Variants in FKBP1A observed in about 807,000 individuals in gnomAD.
The protein encoded by FKBP1A is peptidyl-prolyl cis-trans isomerase FKBP1A.
Under a neutral mutation model 14.2 loss-of-function variants are expected in FKBP1A, and 5 were observed. The ratio of observed to expected loss-of-function variants is 0.35; its 90% CI spans 0.18 to 0.74. The LOEUF is 0.74. FKBP1A is among the 30% of genes least tolerant of loss of function. FKBP1A has a pLI of 0.56. For synonymous variants in FKBP1A, 42 were observed against 49.1 expected (o/e 0.86, Z 0.60); for missense variants, 53 against 138.8 (o/e 0.38, Z 3.10).
intron 2 of FKBP1A, among the ~76,000 whole-genome samples, chr20:1,384,485 T>G (rs1229157085): frequency 6.6e-6 from 1 of 152,226 alleles, no homozygotes; most frequent in African/African-American, 2.4e-5. Context: ...GAAACTCCAC[T>G]AGCAGAGCCA....
In FKBP1A at chr20:1,369,722, A is replaced by ACC. The variant is rs34401063; in HGVS notation, c.*385_*386dup. The ACC allele has an allele frequency of 1.1e-4, 21 of 183,148 alleles. No individual in the cohort carries two copies. The highest frequency in any genetic ancestry group is 1.9e-4 in the Admixed American group (3 of 15,574). The allele number at this position is 183,148 out of a possible 1,614,324, so 11.3% of individuals were successfully genotyped here. A position where few individuals can be genotyped will look rare whatever the true frequency, so the allele number is the denominator to read the frequency against. ...AAATTAAAATAAAATATTCTTGCAA[A>ACC]CCCCCCCCCCAACACCAATTCCTAT... On this transcript the variant is annotated 3_prime_UTR_variant, in exon 5 of 5. Coordinates refer to ENST00000400137, the MANE Select transcript of FKBP1A (RefSeq NM_000801.5).
chr20:1,378,561 T>C (rs1229847969), intron 2 of FKBP1A: 1 of 152,074 alleles, frequency 6.6e-6, no homozygotes, highest in East Asian at 1.9e-4. Context: ...CAATGCAGGT[T>C]CGTCAATTGC....
At chr20:1,381,067 A>C (rs1419910531) in intron 2 of FKBP1A, among the ~76,000 whole-genome samples, 5 of 152,252 alleles carry the variant, frequency 3.3e-5, no homozygotes, top group African/African-American at 1.2e-4. Flanking sequence ...AAGATTTCTT[A>C]GTATGATGTC....
Position 1,379,721 on chromosome 20 carries a change from T to C in FKBP1A, c.86-4118A>G, listed in dbSNP as rs990473890. Reference sequence around the variant, plus strand: ...GTGGTGGCAGTGATGTTGGGGTTCCTTGAGTCCAAGGAGAGGATTTCCCAT... The same window carrying C: ...GTGGTGGCAGTGATGTTGGGGTTCCCTGAGTCCAAGGAGAGGATTTCCCAT... On this transcript the variant is annotated intron_variant, in intron 2 of 4. Coordinates refer to ENST00000400137, the MANE Select transcript of FKBP1A (RefSeq NM_000801.5). The surrounding 1 kb of genome is among the most constrained non-coding windows in gnomAD (Gnocchi z 4.3). Among the ~76,000 whole-genome samples the C allele has an allele frequency of 2.0e-5, 3 of 152,130 alleles. No homozygotes were observed. The highest frequency in any genetic ancestry group is 4.8e-5 in the African/African-American group (2 of 41,428).
intron 2 of FKBP1A, among the ~76,000 whole-genome samples, chr20:1,383,556 TCC>T (rs1001237576): frequency 6.6e-6 from 1 of 151,938 alleles, no homozygotes; most frequent in Non-Finnish European, 1.5e-5. Context: ...ATGCCTGTAA[TCC>T]CAGTGCTTTG....
intron 2 of FKBP1A, among the ~76,000 whole-genome samples, chr20:1,392,373 T>C (rs563890197): frequency 1.2e-4 from 18 of 152,290 alleles, no homozygotes; most frequent in Non-Finnish European, 2.4e-4. Flanking sequence ...CGGAATTACC[T>C]CGTCCTCATC....
chr20:1,387,741 CGGATGGGAGGCCG>C lies in FKBP1A; in HGVS notation c.85+5080_85+5092del, dbSNP rs551719969. 6.5e-4 allele frequency among the ~76,000 whole-genome samples: 98 copies of C among 151,760 alleles called. 1 individual carries two copies. Among genetic ancestry groups the C allele is most frequent in the African/African-American group, 2.1e-3 (87 of 41,358 alleles). On this transcript the variant is annotated intron_variant, in intron 2 of 4. Coordinates refer to ENST00000400137, the MANE Select transcript of FKBP1A (RefSeq NM_000801.5). ...CTGTATGCCCAACTATTCAGAAGGCCGGATGGGAGGCCGGGATGGGAGTCTGGGAGGTCGAGGC... is the reference window on the plus strand; with the variant it reads ...CTGTATGCCCAACTATTCAGAAGGCCGGATGGGAGTCTGGGAGGTCGAGGC...
intron 2 of FKBP1A, among the ~76,000 whole-genome samples, chr20:1,382,102 GC>G (rs1371459250): frequency 6.6e-6 from 1 of 152,160 alleles, no homozygotes; most frequent in East Asian, 1.9e-4. Flanking sequence ...ATACACACTG[GC>G]AATGAATGAA....
intron 2 of FKBP1A, among the ~76,000 whole-genome samples, chr20:1,388,236 A>C (rs969232965): frequency 2.0e-5 from 3 of 152,256 alleles, no homozygotes; most frequent in African/African-American, 7.2e-5. Flanking sequence ...AAATCAAGGC[A>C]GGGAACAAGT....
chr20:1,374,112 T>C (rs919535758), intron 3 of FKBP1A, among the ~76,000 whole-genome samples: 1 of 152,228 alleles, frequency 6.6e-6, no homozygotes, highest in Non-Finnish European at 1.5e-5. Flanking sequence ...CTAATTCTCC[T>C]GGGTGAGAGG....
At chr20:1,370,678 G>A (rs2089452147) in intron 4 of FKBP1A, 1 of 985,398 alleles carries the variant, frequency 1.0e-6, no homozygotes, top group Admixed American at 6.1e-5. Flanking sequence ...GACATTCTTT[G>A]GCAGTGGGTT....
chr20:1,369,419 C>T lies in FKBP1A; in HGVS notation c.*690G>A, dbSNP rs1379644523. ...GGCCACAAAGAAGGCTTCAGAGGTCCCTGCTGGCCCAGGGACAGATACCTG... is the reference window on the plus strand; with the variant it reads ...GGCCACAAAGAAGGCTTCAGAGGTCTCTGCTGGCCCAGGGACAGATACCTG... On this transcript the variant is annotated 3_prime_UTR_variant, in exon 5 of 5. Transcript: ENST00000400137. The T allele has an allele frequency of 6.1e-6, 1 of 163,260 alleles. No individual in the cohort carries two copies. The highest frequency in any genetic ancestry group is 2.0e-4 in the East Asian group (1 of 5,002). 10.1% of individuals were successfully genotyped at this position (163,260 alleles called of 1,614,324 possible).
chr20:1,382,492 C>T (rs2089627952), intron 2 of FKBP1A, among the ~76,000 whole-genome samples: 1 of 152,156 alleles, frequency 6.6e-6, no homozygotes, highest in Non-Finnish European at 1.5e-5. Flanking sequence ...AGTCTTGGCT[C>T]TCCTGACTGA....
In FKBP1A at chr20:1,389,588, G is replaced by A. The variant is rs1455582986; in HGVS notation, c.85+3246C>T. Among the ~76,000 whole-genome samples, 4 of 152,180 alleles carry A rather than the reference G, an allele frequency of 2.6e-5. No individual in the cohort carries two copies. In the East Asian group the frequency reaches 7.7e-4, roughly 29 times the overall value. ...GAGGACATGAGGTTGAGGGGCTCCT[G>A]GTTTTTCTCAGTCAGAAACCGGGAG... On this transcript the variant is annotated intron_variant, in intron 2 of 4. Transcript: ENST00000400137.
chr20:1,370,511 C>A (rs2089449727), intron 4 of FKBP1A: 1 of 983,170 alleles, frequency 1.0e-6, no homozygotes, highest in South Asian at 4.7e-5. Flanking sequence ...AAAAATTTCC[C>A]AGGTGACTCT....
Position 1,371,048 on chromosome 20 carries a change from A to G in FKBP1A, c.*37-976T>C, listed in dbSNP as rs996378319. The G allele has an allele frequency of 2.6e-5, 26 of 985,448 alleles. 1 individual carries two copies. The Admixed American group carries it at 1.0e-3, about 40-fold the overall frequency. 61.0% of individuals were successfully genotyped at this position (985,448 alleles called of 1,614,324 possible). On this transcript the variant is annotated intron_variant, in intron 4 of 4. Transcript: ENST00000400137. Reference sequence around the variant, plus strand: ...GATGTGCACAACAGGACCAGGTTACAAGTAGCTCTGACTGCCATCACAAAT... The same window carrying G: ...GATGTGCACAACAGGACCAGGTTACGAGTAGCTCTGACTGCCATCACAAAT...
intron 2 of FKBP1A, among the ~76,000 whole-genome samples, chr20:1,392,164 T>C (rs978263776): frequency 2.6e-5 from 4 of 152,336 alleles, no homozygotes; most frequent in Non-Finnish European, 4.4e-5. Flanking sequence ...CAGCTTTCGG[T>C]CAGCCTGAGC....
intron 2 of FKBP1A, among the ~76,000 whole-genome samples, chr20:1,380,644 T>C (rs1190176685): frequency 2.6e-5 from 4 of 152,140 alleles, no homozygotes; most frequent in Non-Finnish European, 4.4e-5. Flanking sequence ...TAAATGCTTC[T>C]CAGTATAAAA....
At chr20:1,384,212 A>G (rs2089646917) in intron 2 of FKBP1A, among the ~76,000 whole-genome samples, 1 of 152,158 alleles carries the variant, frequency 6.6e-6, no homozygotes. Flanking sequence ...AGCTATATTT[A>G]CTGTGTAAAT....
Sources: allele counts gnomAD v4.1 joint callset (sites outside exome capture counted in the v4.1 genomes callset), GRCh38; gene constraint gnomAD v4.1.1; non-coding constraint Gnocchi (gnomAD v3.1); transcripts MANE v1.5; gene names NCBI Gene and HGNC (gene_info 2026-07-23, HGNC 2026-07-21).